Variants in MINAR2 observed in about 807,000 individuals in gnomAD.
MINAR2 encodes membrane integral NOTCH2 associated receptor 2.
MINAR2 carries 21 observed loss-of-function variants against 16.1 expected under a neutral mutation model. The ratio of observed to expected loss-of-function variants is 1.31; its 90% CI spans 0.93 to 1.88. The LOEUF is 1.88. Ranked by LOEUF, MINAR2 falls within the 40% of genes most tolerant of loss-of-function variation. The pLI, the probability that MINAR2 is intolerant of heterozygous loss-of-function variation, is 0.00. For synonymous variants in MINAR2, 86 were observed against 83.0 expected (o/e 1.04, Z -0.20); for missense variants, 259 against 229.8 (o/e 1.13, Z -0.82).
chr5:129,758,048 T>A (rs1758078441), intron 1 of MINAR2, among the ~76,000 whole-genome samples: 1 of 151,980 alleles, frequency 6.6e-6, no homozygotes, highest in African/African-American at 2.4e-5. Flanking sequence ...ATAGTTTACT[T>A]CACACAGAGT....
intron 1 of MINAR2, among the ~76,000 whole-genome samples, chr5:129,750,290 A>G (rs1348736232): frequency 1.3e-5 from 2 of 152,350 alleles, no homozygotes; most frequent in African/African-American, 4.8e-5. Context: ...AATATTTGCC[A>G]TGATACCACG....
Position 129,766,659 on chromosome 5 carries a change from AACAAACAAAC to A in MINAR2, c.*1598_*1607del, listed in dbSNP as rs1247474861. Reference sequence around the variant, plus strand: ...TAAAAAAAAAAAAAAAAAAAAAACAAACAAACAAACAAAAAAAACCCCAAAAAAAGAGACA... The same window carrying A: ...TAAAAAAAAAAAAAAAAAAAAAACAAAAAAAAAACCCCAAAAAAAGAGACA... On this transcript the variant is annotated 3_prime_UTR_variant, in exon 3 of 3. Coordinates refer to ENST00000564719, the MANE Select transcript of MINAR2 (RefSeq NM_001257308.2). 34 of 142,040 alleles carry A rather than the reference AACAAACAAAC, an allele frequency of 2.4e-4. 1 individual carries two copies. Among genetic ancestry groups the A allele is most frequent in the African/African-American group, 9.5e-4 (34 of 35,946 alleles). The allele number at this position is 142,040 out of a possible 1,614,324, so 8.8% of individuals were successfully genotyped here. A position where few individuals can be genotyped will look rare whatever the true frequency, so the allele number is the denominator to read the frequency against.
intron 1 of MINAR2, among the ~76,000 whole-genome samples, chr5:129,750,035 T>C (rs1003551217): frequency 6.6e-6 from 1 of 152,184 alleles, no homozygotes; most frequent in East Asian, 1.9e-4. Context: ...AATGACCTAG[T>C]GAAGGCCAGT....
chr5:129,761,788 T>C (rs962865659), intron 2 of MINAR2, among the ~76,000 whole-genome samples: 1 of 152,144 alleles, frequency 6.6e-6, no homozygotes, highest in Admixed American at 6.5e-5. Flanking sequence ...CCTTTTGCTG[T>C]TTACATGCAA....
At chr5:129,756,149 G>A (rs1289032143) in intron 1 of MINAR2, among the ~76,000 whole-genome samples, 2 of 151,952 alleles carry the variant, frequency 1.3e-5, no homozygotes, top group South Asian at 2.1e-4. Flanking sequence ...GTCAATGGTC[G>A]AAAAGCATGG....
chr5:129,750,810 C>T (rs534947405), intron 1 of MINAR2, among the ~76,000 whole-genome samples: 29 of 152,236 alleles, frequency 1.9e-4, no homozygotes, highest in African/African-American at 7.0e-4. Flanking sequence ...CACGCATGCA[C>T]GTGTGTGCAC....
chr5:129,748,770 G>A (rs1757949683), intron 1 of MINAR2, among the ~76,000 whole-genome samples: 1 of 152,154 alleles, frequency 6.6e-6, no homozygotes, highest in Non-Finnish European at 1.5e-5. Context: ...CTCTAAAACA[G>A]CTGGAGATCT....
intron 1 of MINAR2, among the ~76,000 whole-genome samples, chr5:129,754,804 T>C (rs1758035104): frequency 6.6e-6 from 1 of 152,208 alleles, no homozygotes; most frequent in South Asian, 2.1e-4. Context: ...TGTCATCTGC[T>C]ATTTGTTTAT....
intron 1 of MINAR2, among the ~76,000 whole-genome samples, chr5:129,756,538 T>A (rs1035531443): frequency 6.6e-6 from 1 of 152,116 alleles, no homozygotes; most frequent in African/African-American, 2.4e-5. Context: ...TGTGTCCTCA[T>A]AGCCTAGCTC....
intron 1 of MINAR2, among the ~76,000 whole-genome samples, chr5:129,759,211 T>G (rs1758093554): frequency 6.6e-6 from 1 of 152,192 alleles, no homozygotes; most frequent in African/African-American, 2.4e-5. Context: ...AAGAATAAAA[T>G]TCCTATTAAA....
chr5:129,753,621 C>T (rs899534850), intron 1 of MINAR2, among the ~76,000 whole-genome samples: 4 of 150,978 alleles, frequency 2.6e-5, no homozygotes, highest in African/African-American at 7.3e-5. Flanking sequence ...GACTTGCTGG[C>T]GCGCACCTGT....
At chr5:129,749,222 C>T (rs531588799) in intron 1 of MINAR2, among the ~76,000 whole-genome samples, 1 of 152,088 alleles carries the variant, frequency 6.6e-6, no homozygotes, top group African/African-American at 2.4e-5. Flanking sequence ...ACCTACAAAC[C>T]CCTGCAAGTC....
chr5:129,754,615 T>A (rs968516789), intron 1 of MINAR2, among the ~76,000 whole-genome samples: 1 of 152,210 alleles, frequency 6.6e-6, no homozygotes, highest in Non-Finnish European at 1.5e-5. Context: ...CTATTCCATA[T>A]AATTTGTTAG....
At chr5:129,752,561 A>G (rs1757998450) in intron 1 of MINAR2, among the ~76,000 whole-genome samples, 1 of 152,100 alleles carries the variant, frequency 6.6e-6, no homozygotes, top group Admixed American at 6.6e-5. Flanking sequence ...ATCACACATC[A>G]GGACCTGTCC....
chr5:129,757,997 TTG>T (rs1185207935), intron 1 of MINAR2, among the ~76,000 whole-genome samples: 4 of 151,972 alleles, frequency 2.6e-5, no homozygotes, highest in African/African-American at 9.7e-5. Context: ...TTAATTTTCT[TTG>T]TTCAAAAATG....
At chr5:129,761,622 A>G (rs748284665) in intron 2 of MINAR2, among the ~76,000 whole-genome samples, 2 of 152,170 alleles carry the variant, frequency 1.3e-5, no homozygotes, top group Non-Finnish European at 2.9e-5. Context: ...TGCTCTCCAC[A>G]GAAACAATAA....
rs1448363538 is a variant in MINAR2, at chr5:129,765,366, G to A, written c.*303G>A. 1 of 241,078 alleles carries A rather than the reference G, an allele frequency of 4.1e-6. No homozygotes were observed. Among genetic ancestry groups the A allele is most frequent in the Non-Finnish European group, 7.9e-6 (1 of 127,146 alleles). The allele number at this position is 241,078 out of a possible 1,614,324, so 14.9% of individuals were successfully genotyped here. A position where few individuals can be genotyped will look rare whatever the true frequency, so the allele number is the denominator to read the frequency against. On this transcript the variant is annotated 3_prime_UTR_variant, in exon 3 of 3. Coordinates refer to ENST00000564719, the MANE Select transcript of MINAR2 (RefSeq NM_001257308.2). ...CAACCCACATTAAATATCTTTATAG[G>A]GAGCAAACAGTATCAAAAATTGTCA...
chr5:129,751,111 A>G (rs574094859), intron 1 of MINAR2, among the ~76,000 whole-genome samples: 55 of 152,342 alleles, frequency 3.6e-4, no homozygotes, highest in African/African-American at 1.2e-3. Flanking sequence ...TCATTTTATT[A>G]TCAATGACTT....
At chr5:129,759,386 T>G (rs1758096978) in intron 1 of MINAR2, among the ~76,000 whole-genome samples, 1 of 152,170 alleles carries the variant, frequency 6.6e-6, no homozygotes, top group Admixed American at 6.6e-5. Context: ...CTCTATAAGC[T>G]TTTTGATTCT....
Sources: gnomAD v4.1 joint callset for allele counts (sites outside exome capture counted in the v4.1 genomes callset) on GRCh38, gnomAD v4.1.1 for gene constraint, MANE v1.5 for transcripts, NCBI Gene and HGNC (gene_info 2026-07-23, HGNC 2026-07-21) for gene names.